The following OBSL1 variants were observed in gnomAD, a reference collection of about 807,000 sequenced individuals.
OBSL1 encodes obscurin-like protein 1.
Under a neutral mutation model 172.0 loss-of-function variants are expected in OBSL1, and 160 were observed. That is an observed-to-expected ratio of 0.93 (90% CI 0.82 to 1.06). The LOEUF (loss-of-function observed/expected upper bound fraction) is 1.06, where lower values mean the gene tolerates loss of function less well. OBSL1 is among the 50% of genes least tolerant of loss of function. The pLI, the probability that OBSL1 is intolerant of heterozygous loss-of-function variation, is 0.00. For synonymous variants in OBSL1, 1,200 were observed against 1,196.3 expected (o/e 1.00, Z -0.06); for missense variants, 2,681 against 2,715.4 (o/e 0.99, Z 0.28).
rs374405158 is a variant in OBSL1 at position 219,563,478 on chromosome 2, C to G, written c.2557G>C (p.Val853Leu). 5 of 1,613,794 alleles carry G rather than the reference C, an allele frequency of 3.1e-6. No individual in the cohort carries two copies. The highest frequency in any genetic ancestry group is 4.2e-6 in the Non-Finnish European group (5 of 1,179,846). The stretch of plus-strand genomic sequence containing the variant: ...TGGGGCCCCTCATTCTCCAGCACCA[C>G]GAAGTCACTCTCCTCCACCTCCTGC... ...DGQEVEESDF[V>L]VLENEGPHRR... Residue 853 changes from valine to leucine, a missense_variant, in exon 7 of 21, where the codon GTG becomes CTG. Physicochemically the swap from Val to Leu is conservative, Grantham distance 32. Coordinates refer to ENST00000404537, the MANE Select transcript of OBSL1 (RefSeq NM_015311.3).
Position 219,555,518 on chromosome 2 carries a change from G to A in OBSL1, c.4609+502C>T, listed in dbSNP as rs1321263082. 5.8e-6 allele frequency: 3 copies of A among 514,464 alleles called. No individual in the cohort carries two copies. In the African/African-American group the frequency reaches 6.3e-5, roughly 11 times the overall value. The allele number at this position is 514,464 out of a possible 1,614,324, so 31.9% of individuals were successfully genotyped here. A position where few individuals can be genotyped will look rare whatever the true frequency, so the allele number is the denominator to read the frequency against. On this transcript the variant is annotated intron_variant, in intron 14 of 20. Coordinates refer to ENST00000404537, the MANE Select transcript of OBSL1 (RefSeq NM_015311.3). The stretch of plus-strand genomic sequence containing the variant: ...TGGCCTCGAACTCCTGGCCTCAAGG[G>A]ATCCTCCTGCCTTGGCCTCCCAAAG...
downstream of OBSL1, chr2:219,547,278 G>C (rs1695408206): frequency 2.3e-6 from 1 of 428,194 alleles, no homozygotes; most frequent in Non-Finnish European, 4.1e-6. Flanking sequence ...GATCTCAATG[G>C]TTATGTTTGC....
At chr2:219,549,700 T>C (rs765865605), downstream of OBSL1, 15 of 1,612,350 alleles carry the variant, frequency 9.3e-6, no homozygotes, top group South Asian at 4.4e-5. Context: ...CTCACACCTA[T>C]GTTTGCTCCC....
chr2:219,553,068 C>A, intron 16 of OBSL1, 44 bp from the exon 17 acceptor site: 1 of 1,422,816 alleles, frequency 7.0e-7, no homozygotes, highest in Non-Finnish European at 9.1e-7. Context: ...CCCGGCTGGG[C>A]ACAGGCGACC....
rs755230326 is a variant in OBSL1 at position 219,556,072 on chromosome 2, G to A, written c.4557C>T (p.Thr1519=). Residue 1519 remains threonine, a synonymous_variant, in exon 14 of 21, where the codon ACC becomes ACT. Coordinates refer to ENST00000404537, the MANE Select transcript of OBSL1 (RefSeq NM_015311.3). ...GATCGTGGTGGCTCTCGCAGCCGTA[G>A]GTGCCCTGGTCGGCCAGTATGACAC... ...IHGVILADQG[T]YGCESHHDRT... 4.3e-6 allele frequency: 7 copies of A among 1,613,708 alleles called. No homozygotes were observed. In the South Asian group the frequency reaches 6.6e-5, roughly 15 times the overall value.
At chr2:219,549,719 C>A, downstream of OBSL1, 1 of 1,613,902 alleles carries the variant, frequency 6.2e-7, no homozygotes. Flanking sequence ...CCCCACAGAG[C>A]TATATCCAGA....
chr2:219,547,750 C>T (rs202000579), downstream of OBSL1: 44 of 1,594,616 alleles, frequency 2.8e-5, no homozygotes, highest in Middle Eastern at 1.7e-4. Context: ...TGCTGGGCTC[C>T]GCACCCTACT....
At chr2:219,557,232 G>T in intron 12 of OBSL1, 111 bp downstream of exon 12, 1 of 1,098,126 alleles carries the variant, frequency 9.1e-7, no homozygotes, top group South Asian at 1.8e-5. Context: ...TGCACGCACT[G>T]GTTGGAGCCA....
At position 219,558,116 on chromosome 2, in the gene OBSL1, GA is replaced by G; in HGVS notation, c.3503-7del. The G allele has an allele frequency of 6.2e-7, 1 of 1,613,042 alleles. No homozygotes were observed. The highest frequency in any genetic ancestry group is 8.5e-7 in the Non-Finnish European group (1 of 1,179,512). On this transcript the variant is annotated splice_region_variant and splice_polypyrimidine_tract_variant and intron_variant, in intron 10 of 20. Transcript: ENST00000404537. ...AAGGAACTGCACTGGAGGCTCTGGAGAAGAGAGGAAGGTGTCATCCCATGCT... is the reference window on the plus strand; with the variant it reads ...AAGGAACTGCACTGGAGGCTCTGGAGAGAGAGGAAGGTGTCATCCCATGCT...
At chr2:219,556,881 T>A in intron 12 of OBSL1, 158 bp from the exon 13 acceptor site, 1 of 767,966 alleles carries the variant, frequency 1.3e-6, no homozygotes, top group Non-Finnish European at 2.0e-6. Flanking sequence ...AAGGACAAGA[T>A]GCCAGCTCCC....
chr2:219,567,282 C>T lies in OBSL1; in HGVS notation c.1828G>A (p.Ala610Thr). ...RSPHVVFHGS[A>T]HLVPTARLVA... ...GGCAGGACCAACTCACCAAGGTGAG[C>T]AGAACCGTGGAACACCACGTGGGGA... The change falls in exon 4 of 21, where the codon GCT becomes ACT. Residue 610 changes from alanine (A) to threonine (T), a missense_variant. Transcript: ENST00000404537. 1 of 1,593,814 alleles carries T rather than the reference C, an allele frequency of 6.3e-7. No homozygotes were observed. The highest frequency in any genetic ancestry group is 8.6e-7 in the Non-Finnish European group (1 of 1,165,916).
Position 219,557,645 on chromosome 2 carries a change from G to A in OBSL1, c.3791-27C>T, listed in dbSNP as rs1193181134. On this transcript the variant is annotated intron_variant, in intron 11 of 20. Transcript: ENST00000404537. The stretch of plus-strand genomic sequence containing the variant: ...TGTGGAGTCAGAGCTGGAGGTCACT[G>A]GGAGGGAGAGGCTCAGGGCTTTGAG... 44 of 1,513,338 alleles carry A rather than the reference G, an allele frequency of 2.9e-5. No individual in the cohort carries two copies. The East Asian group carries it at 1.0e-3, about 35-fold the overall frequency. The allele number at this position is 1,513,338 out of a possible 1,614,324, so 93.7% of individuals were successfully genotyped here.
chr2:219,558,502 A>T, intron 9 of OBSL1, 43 bp from the exon 10 acceptor site: 1 of 1,502,864 alleles, frequency 6.7e-7, no homozygotes, highest in South Asian at 1.3e-5. Context: ...CTTGGCCAGC[A>T]GGCCTCTCCT....
intron 7 of OBSL1, 46 bp downstream of exon 7, chr2:219,563,309 C>T: frequency 6.6e-7 from 1 of 1,504,498 alleles, no homozygotes; most frequent in South Asian, 1.3e-5. Flanking sequence ...CCAGTGGGAG[C>T]AGGGGCACCT....
In OBSL1 at chr2:219,551,807, AGGGGGC is replaced by A; in HGVS notation, c.5414-15_5414-10del. ...CATCTGGAGAGGCAATGCTGGGGGT[AGGGGGC>A]GGGGGCTTAAGTTAATAGGGACACG... is the stretch of plus-strand genomic sequence containing the variant. On this transcript the variant is annotated splice_polypyrimidine_tract_variant and intron_variant, in intron 19 of 20. Transcript: ENST00000404537. 2.0e-6 allele frequency: 3 copies of A among 1,524,358 alleles called. No homozygotes were observed. Among genetic ancestry groups the A allele is most frequent in the Non-Finnish European group, 2.7e-6 (3 of 1,119,814 alleles). 94.4% of individuals were successfully genotyped at this position (1,524,358 alleles called of 1,614,324 possible).
chr2:219,555,812 A>C, intron 14 of OBSL1: 3 of 1,400,702 alleles, frequency 2.1e-6, no homozygotes, highest in Non-Finnish European at 2.8e-6. Context: ...TATGCAATGG[A>C]ATGCAAAATC....
chr2:219,549,653 G>A, downstream of OBSL1: 1 of 1,594,726 alleles, frequency 6.3e-7, no homozygotes, highest in Non-Finnish European at 8.6e-7. Context: ...GGGAATTCAG[G>A]AAGAGGTGGC....
In OBSL1 at chr2:219,570,797, C is replaced by A; in HGVS notation, c.436G>T (p.Val146Leu). 6.7e-7 allele frequency: 1 copy of A among 1,493,416 alleles called. No homozygotes were observed. The highest frequency in any genetic ancestry group is 2.2e-5 in the Admixed American group (1 of 46,124). 92.5% of individuals were successfully genotyped at this position (1,493,416 alleles called of 1,614,324 possible). A position where few individuals can be genotyped will look rare whatever the true frequency, so the allele number is the denominator to read the frequency against. ...SQWVLRGAEV[V>L]LTCRAGGLPE... Reference sequence around the variant, plus strand: ...AGGCCCCCCGCCCGGCACGTCAGCACCACCTCCGCCCCCCGCAGCACCCAC... The same window carrying A: ...AGGCCCCCCGCCCGGCACGTCAGCAACACCTCCGCCCCCCGCAGCACCCAC... Residue 146 changes from valine (V) to leucine (L), a missense_variant, in exon 1 of 21, where the codon GTG (valine) becomes TTG (leucine). Val to Leu is a conservative substitution (Grantham distance 32). This residue lies in a region of OBSL1 where 706 missense variants were observed against 695.8 expected (regional missense o/e 1.01). Coordinates refer to ENST00000404537, the MANE Select transcript of OBSL1 (RefSeq NM_015311.3).
intron 18 of OBSL1, 151 bp from the exon 19 acceptor site, chr2:219,552,367 A>G: frequency 1.1e-6 from 1 of 871,062 alleles, no homozygotes; most frequent in Non-Finnish European, 1.7e-6. Context: ...GGAAGCCTAG[A>G]GGTCCGGGAC....
Sources: gnomAD v4.1 joint callset for allele counts on GRCh38, gnomAD v4.1.1 for gene constraint, gnomAD v4.1.1 regional missense constraint, MANE v1.5 for transcripts, NCBI Gene and HGNC (gene_info 2026-07-23, HGNC 2026-07-21) for gene names.